The following DDX10 variants were observed in gnomAD, a reference collection of about 807,000 sequenced individuals.
DDX10 encodes probable ATP-dependent RNA helicase DDX10.
DDX10 carries 74 observed loss-of-function variants against 104.3 expected under a neutral mutation model. The ratio of observed to expected loss-of-function variants is 0.71; its 90% CI spans 0.59 to 0.86. The LOEUF is 0.86. DDX10 is among the 40% of genes least tolerant of loss of function. The probability of loss-of-function intolerance (pLI) is 0.00; values close to 1 mark genes in which losing one functional copy is unlikely to be tolerated. For missense variants in DDX10, 952 were observed against 1,040.0 expected (o/e 0.92, Z 1.16); for synonymous variants, 351 against 353.4 (o/e 0.99, Z 0.08).
At chr11:108,810,417 G>A (rs1021732638) in intron 13 of DDX10, among the ~76,000 whole-genome samples, 1 of 152,082 alleles carries the variant, frequency 6.6e-6, no homozygotes, top group African/African-American at 2.4e-5. Context: ...AATCTGTGTG[G>A]AGAAGAATAG....
chr11:108,767,790 G>A (rs2094358007), intron 13 of DDX10: 1 of 152,186 alleles, frequency 6.6e-6, no homozygotes, highest in Non-Finnish European at 1.5e-5. Context: ...TGAACTGTGA[G>A]AGTCCACTTA....
At chr11:108,858,534 C>G (rs1591098566) in intron 16 of DDX10, among the ~76,000 whole-genome samples, 1 of 152,170 alleles carries the variant, frequency 6.6e-6, no homozygotes, top group Non-Finnish European at 1.5e-5. Context: ...CTGGATGTAT[C>G]TAACACACTC....
At chr11:108,667,343 GA>G (rs537884739) in intron 1 of DDX10, among the ~76,000 whole-genome samples, 68 of 152,332 alleles carry the variant, frequency 4.5e-4, no homozygotes, top group Non-Finnish European at 9.0e-4. Flanking sequence ...CTGCTAGAAT[GA>G]TTCTTTCCAA....
Position 108,677,066 on chromosome 11 carries a change from A to C in DDX10, c.379-19A>C. ...GACTTCTGATGACTTACTGAACATG[A>C]ATTTGCTGTCTTTTTGAGGTGCTGG... On this transcript the variant is annotated intron_variant, in intron 3 of 17. Transcript: ENST00000322536. 1 of 1,588,838 alleles carries C rather than the reference A, an allele frequency of 6.3e-7. No individual in the cohort carries two copies. Among genetic ancestry groups the C allele is most frequent in the Non-Finnish European group, 8.6e-7 (1 of 1,163,344 alleles).
chr11:108,752,623 C>G (rs1329775135), intron 13 of DDX10, among the ~76,000 whole-genome samples: 1 of 152,042 alleles, frequency 6.6e-6, no homozygotes, highest in Non-Finnish European at 1.5e-5. Context: ...TTTTGTTGTT[C>G]TGGTCTAACA....
chr11:108,727,970 A>G (rs1426361838), intron 13 of DDX10, among the ~76,000 whole-genome samples: 1 of 152,142 alleles, frequency 6.6e-6, no homozygotes, highest in Non-Finnish European at 1.5e-5. Context: ...ATGAGTGAAA[A>G]CATGATCCTT....
chr11:108,858,364 A>G lies in DDX10; in HGVS notation c.2304+6155A>G, dbSNP rs575383406. On this transcript the variant is annotated intron_variant, in intron 16 of 17. Coordinates refer to ENST00000322536, the MANE Select transcript of DDX10 (RefSeq NM_004398.4). ...AGCAGCAGCTGAGTTTTTTTCATGG[A>G]TGGCACATAATAAATGCTCTGTAGA... Among the ~76,000 whole-genome samples, 71 of 152,310 alleles carry G rather than the reference A, an allele frequency of 4.7e-4. 1 individual carries two copies. In the South Asian group the frequency reaches 0.012, roughly 25 times the overall value.
At position 108,846,167 on chromosome 11, in the gene DDX10, G is replaced by A. The variant is rs147112576; in HGVS notation, c.2247+4691G>A. 2.7e-3 allele frequency among the ~76,000 whole-genome samples: 417 copies of A among 152,028 alleles called. 4 individuals carry two copies. Among genetic ancestry groups the A allele is most frequent in the African/African-American group, 9.7e-3 (404 of 41,472 alleles). ...GACACATAATAATTGTATGTATGGG[G>A]TACAATGAGATATGTCATTACATGT... On this transcript the variant is annotated intron_variant, in intron 15 of 17. Coordinates refer to ENST00000322536, the MANE Select transcript of DDX10 (RefSeq NM_004398.4).
At chr11:108,855,520 C>T (rs372020184) in intron 16 of DDX10, among the ~76,000 whole-genome samples, 5 of 152,242 alleles carry the variant, frequency 3.3e-5, no homozygotes, top group African/African-American at 7.2e-5. Flanking sequence ...AGTGCAGTGA[C>T]GCGATCTTGG....
At chr11:108,759,193 C>A (rs1284739124) in intron 13 of DDX10, among the ~76,000 whole-genome samples, 1 of 151,942 alleles carries the variant, frequency 6.6e-6, no homozygotes, top group African/African-American at 2.4e-5. Flanking sequence ...ATCTCAGATG[C>A]TATTTAAATT....
intron 13 of DDX10, among the ~76,000 whole-genome samples, chr11:108,824,809 G>A (rs1862374096): frequency 6.6e-6 from 1 of 152,154 alleles, no homozygotes; most frequent in Non-Finnish European, 1.5e-5. Flanking sequence ...GAGGGTCATG[G>A]TGTAGAGCAA....
At chr11:108,867,275 G>A (rs1426632517) in intron 16 of DDX10, among the ~76,000 whole-genome samples, 4 of 152,274 alleles carry the variant, frequency 2.6e-5, no homozygotes, top group Admixed American at 2.6e-4. Flanking sequence ...TCACTGAAGA[G>A]TTGAGAGAAG....
chr11:108,936,989 C>T (rs534780423), intron 17 of DDX10, among the ~76,000 whole-genome samples: 2 of 152,262 alleles, frequency 1.3e-5, no homozygotes, highest in South Asian at 4.1e-4. Flanking sequence ...CAGGAAATAG[C>T]AATCTTAGGT....
intron 13 of DDX10, among the ~76,000 whole-genome samples, chr11:108,730,717 C>G (rs1407081017): frequency 6.6e-6 from 1 of 152,048 alleles, no homozygotes; most frequent in African/African-American, 2.4e-5. Flanking sequence ...CTTATGTAGG[C>G]CGAGCTTTAT....
At chr11:108,888,091 G>A (rs1163236591) in intron 16 of DDX10, among the ~76,000 whole-genome samples, 1 of 151,900 alleles carries the variant, frequency 6.6e-6, no homozygotes, top group Non-Finnish European at 1.5e-5. Flanking sequence ...GATGATTCAT[G>A]GATTTTAATA....
intron 17 of DDX10, chr11:108,921,236 T>C (rs1174201865): frequency 2.0e-5 from 3 of 152,230 alleles, no homozygotes; most frequent in Non-Finnish European, 4.4e-5. Context: ...TCAAGATGTA[T>C]GTAAACTAAA....
At chr11:108,797,743 G>T (rs571004526) in intron 13 of DDX10, among the ~76,000 whole-genome samples, 1 of 152,182 alleles carries the variant, frequency 6.6e-6, no homozygotes, top group Non-Finnish European at 1.5e-5. Flanking sequence ...ACACAACAGT[G>T]GTTATTTGCT....
intron 13 of DDX10, among the ~76,000 whole-genome samples, chr11:108,836,330 C>T (rs928452941): frequency 6.6e-6 from 1 of 152,212 alleles, no homozygotes; most frequent in African/African-American, 2.4e-5. Flanking sequence ...GTACAACCAT[C>T]ATTGTCAAAA....
intron 16 of DDX10, among the ~76,000 whole-genome samples, chr11:108,855,467 ATTTATTT>A (rs2134608556): frequency 6.6e-6 from 1 of 152,162 alleles, no homozygotes; most frequent in East Asian, 1.9e-4. Flanking sequence ...TTATTTATTT[ATTTATTT>A]TTTAAGATGG....
Sources: allele counts gnomAD v4.1 joint callset (sites outside exome capture counted in the v4.1 genomes callset), GRCh38; gene constraint gnomAD v4.1.1; transcripts MANE v1.5; gene names NCBI Gene and HGNC (gene_info 2026-07-23, HGNC 2026-07-21).